The following FAF1 variants were observed in gnomAD, a reference collection of about 807,000 sequenced individuals.
FAF1 encodes the protein Fas associated factor 1.
A neutral mutation model predicts 92.5 loss-of-function variants in FAF1; 25 were observed. That is an observed-to-expected ratio of 0.27 (90% CI 0.20 to 0.38). The LOEUF is 0.38. Among genes scored for constraint, FAF1 ranks in the 10% least tolerant of loss-of-function variants. The pLI is 1.00. For missense variants in FAF1, 636 were observed against 793.3 expected (o/e 0.80, Z 2.38); for synonymous variants, 234 against 273.2 (o/e 0.86, Z 1.42).
At chr1:50,854,958 T>C (rs1392934318) in intron 2 of FAF1, among the ~76,000 whole-genome samples, 1 of 151,722 alleles carries the variant, frequency 6.6e-6, no homozygotes, top group Non-Finnish European at 1.5e-5. Flanking sequence ...CGATGGAACA[T>C]TTTGGATGAT....
At chr1:50,646,583 T>C (rs1654598234) in intron 8 of FAF1, among the ~76,000 whole-genome samples, 1 of 152,230 alleles carries the variant, frequency 6.6e-6, no homozygotes, top group Non-Finnish European at 1.5e-5. Flanking sequence ...AATACAAGTA[T>C]ACAAATTAAA....
intron 2 of FAF1, among the ~76,000 whole-genome samples, chr1:50,812,519 A>T (rs1313317885): frequency 1.3e-5 from 2 of 152,156 alleles, no homozygotes; most frequent in Admixed American, 1.3e-4. Flanking sequence ...CAAAACCACA[A>T]GAGAAACCAT....
intron 15 of FAF1, among the ~76,000 whole-genome samples, chr1:50,530,781 A>C (rs1648125317): frequency 6.6e-6 from 1 of 152,208 alleles, no homozygotes; most frequent in Non-Finnish European, 1.5e-5. Flanking sequence ...GTACCCAAAA[A>C]ATGAAACAAA....
chr1:50,536,455 A>G (rs1250850054), intron 14 of FAF1, among the ~76,000 whole-genome samples: 1 of 152,204 alleles, frequency 6.6e-6, no homozygotes, highest in Non-Finnish European at 1.5e-5. Context: ...TTTACAGGAC[A>G]ATAAAGACCA....
At chr1:50,496,410 T>A (rs532606679) in intron 15 of FAF1, among the ~76,000 whole-genome samples, 1 of 152,156 alleles carries the variant, frequency 6.6e-6, no homozygotes, top group South Asian at 2.1e-4. Flanking sequence ...ACTAAGCATG[T>A]CAGAAAGAAA....
chr1:50,558,265 G>A (rs1416689682), intron 13 of FAF1, among the ~76,000 whole-genome samples: 1 of 150,764 alleles, frequency 6.6e-6, no homozygotes, highest in Admixed American at 6.6e-5. Flanking sequence ...TCTTATTTTT[G>A]GAATGTGTCA....
intron 1 of FAF1, among the ~76,000 whole-genome samples, chr1:50,918,174 CTT>C (rs869179803): frequency 2.0e-3 from 255 of 130,110 alleles, no homozygotes; most frequent in African/African-American, 6.6e-3. Context: ...ATGTAAATTT[CTT>C]TTTTTTTTTT....
chr1:50,886,530 C>T (rs560942256), intron 1 of FAF1, among the ~76,000 whole-genome samples: 71 of 151,876 alleles, frequency 4.7e-4, no homozygotes, highest in Non-Finnish European at 9.3e-4. Context: ...CCTCCCCACT[C>T]CCCCCACCCC....
At chr1:50,746,867 G>C (rs1241149835) in intron 4 of FAF1, among the ~76,000 whole-genome samples, 2 of 152,180 alleles carry the variant, frequency 1.3e-5, no homozygotes, top group African/African-American at 4.8e-5. Context: ...TCACCACCCT[G>C]CACAGACGCA....
intron 1 of FAF1, among the ~76,000 whole-genome samples, chr1:50,889,322 G>A (rs1258758107): frequency 6.6e-6 from 1 of 152,072 alleles, no homozygotes; most frequent in Non-Finnish European, 1.5e-5. Flanking sequence ...CCAGCTCCTG[G>A]ATTCATTGAT....
At chr1:50,527,505 A>G (rs1647873846) in intron 15 of FAF1, among the ~76,000 whole-genome samples, 1 of 152,168 alleles carries the variant, frequency 6.6e-6, no homozygotes, top group African/African-American at 2.4e-5. Context: ...ATTCTGCCTC[A>G]TCTTTTAAAA....
chr1:50,813,962 C>T (rs553045866), intron 2 of FAF1, among the ~76,000 whole-genome samples: 62 of 152,130 alleles, frequency 4.1e-4, no homozygotes, highest in African/African-American at 1.3e-3. Flanking sequence ...ACAGATAGTA[C>T]CACACCATAT....
rs777703832 is a variant in FAF1, at chr1:50,583,746, CA to C, written c.968-32del. 10 of 1,456,738 alleles carry C rather than the reference CA, an allele frequency of 6.9e-6. No homozygotes were observed. Among genetic ancestry groups the C allele is most frequent in the Non-Finnish European group, 8.5e-6 (9 of 1,057,866 alleles). 90.2% of individuals were successfully genotyped at this position (1,456,738 alleles called of 1,614,324 possible). ...AAACAAACAAAAGAAAAAACAAAAACAAAAAAACAAAACAAATAGACACAAA... is the reference window on the plus strand; with the variant it reads ...AAACAAACAAAAGAAAAAACAAAAACAAAAAACAAAACAAATAGACACAAA... On this transcript the variant is annotated intron_variant, in intron 10 of 18. Coordinates refer to ENST00000396153, the MANE Select transcript of FAF1 (RefSeq NM_007051.3). The surrounding 1 kb of genome is among the most constrained non-coding windows in gnomAD (Gnocchi z 4.2).
At chr1:50,905,371 A>C (rs1480665552) in intron 1 of FAF1, among the ~76,000 whole-genome samples, 1 of 152,208 alleles carries the variant, frequency 6.6e-6, no homozygotes, top group Non-Finnish European at 1.5e-5. Context: ...TTAAAGCATC[A>C]TGATTCATAA....
At chr1:50,942,725 A>T (rs929230482) in intron 1 of FAF1, among the ~76,000 whole-genome samples, 1 of 151,800 alleles carries the variant, frequency 6.6e-6, no homozygotes, top group Admixed American at 6.6e-5. Flanking sequence ...CAATAACGGC[A>T]GCCAGAGTTT....
At chr1:50,556,270 C>A (rs1572831283) in intron 13 of FAF1, among the ~76,000 whole-genome samples, 1 of 147,170 alleles carries the variant, frequency 6.8e-6, no homozygotes, top group Non-Finnish European at 1.5e-5. Flanking sequence ...AGAATAAGGT[C>A]TTCTGCAACA....
chr1:50,864,440 T>C (rs1353978600), intron 1 of FAF1, among the ~76,000 whole-genome samples: 3 of 152,094 alleles, frequency 2.0e-5, no homozygotes. Flanking sequence ...CATCAAACTA[T>C]ACTACAAGGC....
rs150548731 is a variant in FAF1 at position 50,931,299 on chromosome 1, A to C, written c.45+28468T>G. Among the ~76,000 whole-genome samples, 14 of 152,200 alleles carry C rather than the reference A, an allele frequency of 9.2e-5. No homozygotes were observed. The East Asian group carries it at 2.7e-3, about 29-fold the overall frequency. On this transcript the variant is annotated intron_variant, in intron 1 of 18. Coordinates refer to ENST00000396153, the MANE Select transcript of FAF1 (RefSeq NM_007051.3). ...ATAGTTTCTTATCTGCATTGTTTATACTTTCTTATTGTTATACTTTCTTAT... is the reference window on the plus strand; with the variant it reads ...ATAGTTTCTTATCTGCATTGTTTATCCTTTCTTATTGTTATACTTTCTTAT...
chr1:50,487,744 T>C (rs1462406301), intron 17 of FAF1, among the ~76,000 whole-genome samples: 2 of 152,216 alleles, frequency 1.3e-5, no homozygotes, highest in African/African-American at 2.4e-5. Flanking sequence ...GATCTTAGAA[T>C]ATTGAAGATA....
Sources: gnomAD v4.1 joint callset for allele counts (sites outside exome capture counted in the v4.1 genomes callset) on GRCh38, gnomAD v4.1.1 for gene constraint, Gnocchi (gnomAD v3.1) non-coding constraint, MANE v1.5 for transcripts, NCBI Gene and HGNC (gene_info 2026-07-23, HGNC 2026-07-21) for gene names.